Variants in NIBAN1 observed in about 807,000 individuals in gnomAD.
The protein encoded by NIBAN1 is protein Niban 1.
NIBAN1 carries 81 observed loss-of-function variants against 75.1 expected under a neutral mutation model. The observed-to-expected ratio is 1.08, with a 90% CI of 0.90 to 1.30. NIBAN1 has a LOEUF of 1.30. Among genes scored for constraint, NIBAN1 ranks in the 50% most tolerant of loss-of-function variants. The probability of loss-of-function intolerance (pLI) is 0.00; values close to 1 mark genes in which losing one functional copy is unlikely to be tolerated. For synonymous variants in NIBAN1, 436 were observed against 424.8 expected (o/e 1.03, Z -0.32); for missense variants, 1,133 against 1,128.1 (o/e 1.00, Z -0.06).
rs149782161 is a variant in NIBAN1, at chr1:184,808,132, C to T, written c.1277G>A (p.Arg426His). 1.6e-4 allele frequency: 254 copies of T among 1,613,876 alleles called. 2 individuals carry two copies. Among genetic ancestry groups the T allele is most frequent in the African/African-American group, 1.2e-3 (91 of 74,880 alleles). Residue 426 changes from arginine (R) to histidine (H), a missense_variant, in exon 10 of 14, where the codon CGC becomes CAC. By Grantham distance (29) the Arg-to-His change is conservative. Transcript: ENST00000367511. ...LHERLQDLKS[R>H]FRFPHIDLVV... ...CAGATCAATGTGGGGGAATCTGAAG[C>T]GGCTCTTGAGATCCTGCAGGCGCTC...
chr1:184,811,182 T>A (rs900449290), intron 9 of NIBAN1, among the ~76,000 whole-genome samples: 2 of 152,306 alleles, frequency 1.3e-5, no homozygotes, highest in African/African-American at 4.8e-5. Context: ...AGAAAGGAAC[T>A]GGTAGTAAGC....
intron 10 of NIBAN1, among the ~76,000 whole-genome samples, chr1:184,806,696 C>A (rs960142467): frequency 1.3e-5 from 2 of 151,726 alleles, no homozygotes; most frequent in East Asian, 1.9e-4. Context: ...CTGCCCATAA[C>A]CTTTATGAAA....
At chr1:184,816,817 TTTGGTC>T (rs1654549730) in intron 9 of NIBAN1, among the ~76,000 whole-genome samples, 1 of 150,070 alleles carries the variant, frequency 6.7e-6, no homozygotes, top group Admixed American at 6.7e-5. Flanking sequence ...TGACTAAGGT[TTTGGTC>T]ATTTTCTCAA....
intron 1 of NIBAN1, among the ~76,000 whole-genome samples, chr1:184,951,296 G>A (rs1410758481): frequency 6.6e-6 from 1 of 152,180 alleles, no homozygotes; most frequent in South Asian, 2.1e-4. Context: ...GTGCCTGGCA[G>A]GTAATTAAGG....
intron 1 of NIBAN1, among the ~76,000 whole-genome samples, chr1:184,925,421 A>G (rs1407916729): frequency 6.6e-6 from 1 of 152,102 alleles, no homozygotes. Context: ...GTTATTATTG[A>G]TAAGTAAGGG....
Position 184,808,114 on chromosome 1 carries a change from A to C in NIBAN1, c.1295T>G (p.Ile432Ser), listed in dbSNP as rs146234919. The C allele has an allele frequency of 1.9e-6, 3 of 1,613,862 alleles. No homozygotes were observed. The African/African-American group carries it at 4.0e-5, about 22-fold the overall frequency. The stretch of plus-strand genomic sequence containing the variant: ...CTGTGTCCTCTGAACCACCAGATCA[A>C]TGTGGGGGAATCTGAAGCGGCTCTT... ...DLKSRFRFPH[I>S]DLVVQRTQNY... is the part of the protein sequence containing the mutation. The change falls in exon 10 of 14, where the codon ATT becomes AGT. Residue 432 changes from isoleucine to serine, a missense_variant. Transcript: ENST00000367511.
rs116780150 is a variant in NIBAN1 at position 184,974,213 on chromosome 1, C to T, written c.55+89G>A. The T allele has an allele frequency of 1.5e-3, 2,025 of 1,320,248 alleles. 27 individuals carry two copies. The African/African-American group carries it at 0.025, about 16-fold the overall frequency. The allele number at this position is 1,320,248 out of a possible 1,614,324, so 81.8% of individuals were successfully genotyped here. ...CCCCGCGCGCTACAGGGAGAGGGCC[C>T]GGGGCGCGCCCCTTGGGGCCCCGAC... On this transcript the variant is annotated intron_variant, in intron 1 of 13. Transcript: ENST00000367511.
chr1:184,951,203 C>T (rs185807075), intron 1 of NIBAN1, among the ~76,000 whole-genome samples: 74 of 152,310 alleles, frequency 4.9e-4, no homozygotes, highest in African/African-American at 1.7e-3. Context: ...TCAGTCTCAC[C>T]ATCTGCAAAT....
intron 5 of NIBAN1, among the ~76,000 whole-genome samples, chr1:184,859,592 G>A (rs1475600014): frequency 6.6e-6 from 1 of 152,152 alleles, no homozygotes; most frequent in African/African-American, 2.4e-5. Context: ...GGATCTGAAA[G>A]CAGAAGCAGA....
chr1:184,797,942 TCCTCACTGTCTGTCTCCCTC>T (rs201380151), intron 13 of NIBAN1, 117 bp downstream of exon 13: 2 of 475,670 alleles, frequency 4.2e-6, no homozygotes, highest in East Asian at 6.3e-5. Flanking sequence ...TCCTTCCCTC[TCCTCACTGTCTGTCTCCCTC>T]CCTCACCAAT....
intron 5 of NIBAN1, among the ~76,000 whole-genome samples, chr1:184,874,866 G>T (rs1448528466): frequency 1.4e-5 from 2 of 142,020 alleles, no homozygotes; most frequent in Admixed American, 6.6e-5. Context: ...GACATATAAG[G>T]CTATAGAATA....
chr1:184,831,245 A>T (rs958033976), intron 6 of NIBAN1, among the ~76,000 whole-genome samples: 27 of 152,184 alleles, frequency 1.8e-4, no homozygotes, highest in African/African-American at 6.0e-4. Context: ...GGCACAGAAA[A>T]CTAGAAAAGA....
chr1:184,879,649 C>T (rs1482749811), intron 5 of NIBAN1, among the ~76,000 whole-genome samples: 1 of 152,190 alleles, frequency 6.6e-6, no homozygotes, highest in Non-Finnish European at 1.5e-5. Context: ...TTGTAAGGTC[C>T]TTTGTTGTTC....
chr1:184,882,823 CAGACGGGCAAG>C (rs1297084781), intron 5 of NIBAN1, among the ~76,000 whole-genome samples: 1 of 152,204 alleles, frequency 6.6e-6, no homozygotes, highest in Non-Finnish European at 1.5e-5. Flanking sequence ...GCCCTAAACA[CAGACGGGCAAG>C]TGTAGTGGAA....
chr1:184,943,182 G>T (rs886701959), intron 1 of NIBAN1, among the ~76,000 whole-genome samples: 32 of 152,156 alleles, frequency 2.1e-4, no homozygotes, highest in African/African-American at 7.7e-4. Flanking sequence ...AGATGTCTGT[G>T]AAGAACCCTT....
At chr1:184,827,162 C>G (rs1161415402) in intron 6 of NIBAN1, among the ~76,000 whole-genome samples, 3 of 152,112 alleles carry the variant, frequency 2.0e-5, no homozygotes, top group Admixed American at 2.0e-4. Context: ...CCATTAAAAC[C>G]CTTTTTCTTT....
chr1:184,804,372 T>C (rs1388287090), intron 11 of NIBAN1, among the ~76,000 whole-genome samples: 3 of 152,208 alleles, frequency 2.0e-5, no homozygotes, highest in African/African-American at 7.2e-5. Flanking sequence ...TATAACTCTA[T>C]TCAAACAACC....
chr1:184,949,155 C>T (rs1034815031), intron 1 of NIBAN1, among the ~76,000 whole-genome samples: 13 of 152,156 alleles, frequency 8.5e-5, no homozygotes, highest in African/African-American at 2.9e-4. Context: ...AGATAGAGAC[C>T]ATCCTGGCTA....
intron 1 of NIBAN1, among the ~76,000 whole-genome samples, chr1:184,954,512 G>A (rs58512974): frequency 0.06 from 9,174 of 152,236 alleles, 293 homozygotes; most frequent in African/African-American, 0.068. Context: ...TCTTTTATCT[G>A]GGTTAATGAG....
Sources: allele counts gnomAD v4.1 joint callset (sites outside exome capture counted in the v4.1 genomes callset), GRCh38; gene constraint gnomAD v4.1.1; transcripts MANE v1.5; gene names NCBI Gene and HGNC (gene_info 2026-07-23, HGNC 2026-07-21).